GSE1: variants seen among roughly 807,000 people sequenced by gnomAD.
The protein encoded by GSE1 is genetic suppressor element 1.
GSE1 carries 32 observed loss-of-function variants against 112.6 expected under a neutral mutation model. The ratio of observed to expected loss-of-function variants is 0.28; its 90% confidence interval spans 0.21 to 0.38. The LOEUF (loss-of-function observed/expected upper bound fraction) is 0.38, where lower values mean the gene tolerates loss of function less well. Among genes scored for constraint, GSE1 ranks in the 10% least tolerant of loss-of-function variants. The pLI is 1.00. For synonymous variants in GSE1, 1,115 were observed against 735.6 expected, an observed-to-expected ratio of 1.52 and a Z score of -8.35; for missense variants, 2,348 against 1,699.2, an observed-to-expected ratio of 1.38 and a Z score of -6.71.
chr16:85,433,710 T>C (rs1461707464), intron 2 of GSE1, among the ~76,000 whole-genome samples: 1 of 151,674 alleles, frequency 6.6e-6, no homozygotes, highest in Admixed American at 6.6e-5. Flanking sequence ...GGCCAGTGGA[T>C]GTTGGATAGA....
chr16:85,515,895 C>T (rs1286139978), intron 2 of GSE1, among the ~76,000 whole-genome samples: 1 of 152,186 alleles, frequency 6.6e-6, no homozygotes, highest in Non-Finnish European at 1.5e-5. Flanking sequence ...CCGGCTCTGG[C>T]CAGTGGCTGT....
intron 1 of GSE1, among the ~76,000 whole-genome samples, chr16:85,579,135 G>A (rs2046347545): frequency 6.6e-6 from 1 of 152,170 alleles, no homozygotes; most frequent in Non-Finnish European, 1.5e-5. Context: ...GGTGACCTTG[G>A]TGGTGTCAGC....
chr16:85,466,228 C>T (rs2050116689), intron 2 of GSE1, among the ~76,000 whole-genome samples: 1 of 152,246 alleles, frequency 6.6e-6, no homozygotes, highest in Admixed American at 6.5e-5. Flanking sequence ...CCTGCTCTGC[C>T]AGGGCCCAGG....
intron 1 of GSE1, among the ~76,000 whole-genome samples, chr16:85,212,192 G>A (rs1450285554): frequency 2.0e-5 from 3 of 152,218 alleles, no homozygotes; most frequent in Admixed American, 6.5e-5. Context: ...GAACACTTGA[G>A]GTCAGGAGAT....
At chr16:85,643,865 A>G (rs1340211985) in intron 2 of GSE1, among the ~76,000 whole-genome samples, 11 of 150,790 alleles carry the variant, frequency 7.3e-5, no homozygotes, top group Non-Finnish European at 1.6e-4. Context: ...CCGGATCATG[A>G]GCTCTTGGCA....
rs1244412641 is a variant in GSE1, at chr16:85,675,086, A to G, written c.*2547A>G. 2 of 152,270 alleles carry G rather than the reference A, an allele frequency of 1.3e-5. No individual in the cohort carries two copies. The highest frequency in any genetic ancestry group is 6.5e-5 in the Admixed American group (1 of 15,284). The allele number at this position is 152,270 out of a possible 1,614,324, so 9.4% of individuals were successfully genotyped here. A position where few individuals can be genotyped will look rare whatever the true frequency, so the allele number is the denominator to read the frequency against. ...TCATACTTTGAAAACTTACTTTCAG[A>G]TTATTCTCAAAGAACACAGTAGCAC... On this transcript the variant is annotated 3_prime_UTR_variant, in exon 16 of 16. Coordinates refer to ENST00000253458, the MANE Select transcript of GSE1 (RefSeq NM_014615.5).
chr16:85,671,461 C>CAAAAAAAAAAAAA (rs1193691794), intron 15 of GSE1, among the ~76,000 whole-genome samples: 5 of 76,408 alleles, frequency 6.5e-5, no homozygotes, highest in African/African-American at 2.3e-4. Context: ...AAAAAAAGAT[C>CAAAAAAAAAAAAA]AAAATTTGGA....
At chr16:85,193,055 A>G (rs528404372) in intron 1 of GSE1, among the ~76,000 whole-genome samples, 2 of 152,154 alleles carry the variant, frequency 1.3e-5, no homozygotes, top group Admixed American at 6.5e-5. Flanking sequence ...TAAGGCCTCT[A>G]ATGCTTGGGA....
rs192588389 is a variant in GSE1 at position 85,311,311 on chromosome 16, C to T, written c.2284-46152C>T. Reference sequence around the variant, plus strand: ...TCTGCCAGGCAGCGGGCTCCCTGGACAGGGTGGGCGTCGTTAGAGCAGAAA... The same window carrying T: ...TCTGCCAGGCAGCGGGCTCCCTGGATAGGGTGGGCGTCGTTAGAGCAGAAA... On this transcript the variant is annotated intron_variant, in intron 1 of 2. Transcript: ENST00000637419. The surrounding 1 kb of genome is among the most constrained non-coding windows in gnomAD (Gnocchi z 4.2). Among the ~76,000 whole-genome samples the T allele has an allele frequency of 1.3e-5, 2 of 152,338 alleles. No homozygotes were observed. Among genetic ancestry groups the T allele is most frequent in the African/African-American group, 4.8e-5 (2 of 41,582 alleles).
At chr16:85,480,231 G>A (rs1385341494) in intron 2 of GSE1, among the ~76,000 whole-genome samples, 2 of 152,262 alleles carry the variant, frequency 1.3e-5, no homozygotes, top group Admixed American at 1.3e-4. Context: ...AATCTACAGC[G>A]TGACCCTGAC....
At chr16:85,445,440 G>C (rs578185334) in intron 2 of GSE1, among the ~76,000 whole-genome samples, 27 of 152,290 alleles carry the variant, frequency 1.8e-4, no homozygotes, top group African/African-American at 5.1e-4. Context: ...CGCACAGCGA[G>C]GGGGGGCGGC....
intron 1 of GSE1, among the ~76,000 whole-genome samples, chr16:85,213,250 A>G (rs1484347407): frequency 3.3e-5 from 5 of 151,294 alleles, no homozygotes; most frequent in Admixed American, 2.0e-4. Flanking sequence ...GCCTGGCAAC[A>G]GAGCAAGACT....
chr16:85,553,488 C>G (rs1306722125), upstream of GSE1, among the ~76,000 whole-genome samples: 1 of 151,858 alleles, frequency 6.6e-6, no homozygotes, highest in Non-Finnish European at 1.5e-5. Flanking sequence ...GTCAGCAGCT[C>G]TGGCGCCCTC....
chr16:85,514,915 G>A (rs752945585), intron 2 of GSE1, among the ~76,000 whole-genome samples: 8 of 151,992 alleles, frequency 5.3e-5, no homozygotes, highest in Non-Finnish European at 1.2e-4. Flanking sequence ...GTGTTTGCCC[G>A]TACGTGTGTG....
chr16:85,561,230 G>A (rs2045504419), intron 1 of GSE1, among the ~76,000 whole-genome samples: 1 of 152,154 alleles, frequency 6.6e-6, no homozygotes, highest in Non-Finnish European at 1.5e-5. Flanking sequence ...CAGCTCTGGA[G>A]GTGAGGCTAC....
rs546933470 is a variant in GSE1, at chr16:85,216,692, T to C, written c.2283+44885T>C. Among the ~76,000 whole-genome samples the C allele has an allele frequency of 4.4e-4, 67 of 152,204 alleles. 1 individual carries two copies. Among genetic ancestry groups the C allele is most frequent in the Non-Finnish European group, 2.9e-5 (2 of 67,996 alleles). On this transcript the variant is annotated intron_variant, in intron 1 of 2. Transcript: ENST00000637419. ...ACAGACACACAGCAGGTGTAGAGGCTGCATTTGAGCCTGGGCTGTGGGACT... is the reference window on the plus strand; with the variant it reads ...ACAGACACACAGCAGGTGTAGAGGCCGCATTTGAGCCTGGGCTGTGGGACT...
chr16:85,346,392 A>C (rs1449044156), intron 1 of GSE1, among the ~76,000 whole-genome samples: 1 of 142,798 alleles, frequency 7.0e-6, no homozygotes, highest in African/African-American at 2.6e-5. Flanking sequence ...TGGATGATGG[A>C]TGGATGGATG....
At chr16:85,632,626 G>A (rs1381245655) in intron 1 of GSE1, among the ~76,000 whole-genome samples, 1 of 152,190 alleles carries the variant, frequency 6.6e-6, no homozygotes, top group Admixed American at 6.5e-5. Flanking sequence ...GGCAGAGGTG[G>A]AGTGGGCTCT....
At chr16:85,639,825 G>A (rs534265546) in intron 2 of GSE1, among the ~76,000 whole-genome samples, 87 of 152,350 alleles carry the variant, frequency 5.7e-4, no homozygotes, top group African/African-American at 1.9e-3. Flanking sequence ...TCTGCTTGCC[G>A]TGTGCAGCAG....
Sources: allele counts gnomAD v4.1 joint callset (sites outside exome capture counted in the v4.1 genomes callset), GRCh38; gene constraint gnomAD v4.1.1; non-coding constraint Gnocchi (gnomAD v3.1); transcripts MANE v1.5; gene names NCBI Gene and HGNC (gene_info 2026-07-23, HGNC 2026-07-21).